The following ADAMTSL3 variants were observed in gnomAD, a reference collection of about 807,000 sequenced individuals.
ADAMTSL3 encodes ADAMTS-like protein 3.
ADAMTSL3 carries 128 observed loss-of-function variants against 201.7 expected under a neutral mutation model. The ratio of observed to expected loss-of-function variants is 0.63; its 90% CI spans 0.55 to 0.73. ADAMTSL3 has a LOEUF of 0.73. Ranked by LOEUF, ADAMTSL3 falls within the 30% of genes least tolerant of loss-of-function variation. ADAMTSL3 has a pLI of 0.00. For synonymous variants in ADAMTSL3, 738 were observed against 748.4 expected (o/e 0.99, Z 0.23); for missense variants, 1,990 against 2,119.6 (o/e 0.94, Z 1.20).
intron 2 of ADAMTSL3, among the ~76,000 whole-genome samples, chr15:83,664,946 G>A (rs2061228746): frequency 6.6e-6 from 1 of 152,200 alleles, no homozygotes; most frequent in African/African-American, 2.4e-5. Context: ...TGAAGAGCAT[G>A]TAAAGGATTT....
intron 3 of ADAMTSL3, among the ~76,000 whole-genome samples, chr15:83,762,208 G>A (rs1271723209): frequency 2.6e-5 from 4 of 152,168 alleles, no homozygotes; most frequent in South Asian, 2.1e-4. Flanking sequence ...GAGCCACTGC[G>A]CTTAGCCAGA....
At chr15:83,897,195 T>A (rs1376558090) in intron 13 of ADAMTSL3, among the ~76,000 whole-genome samples, 1 of 152,140 alleles carries the variant, frequency 6.6e-6, no homozygotes, top group Non-Finnish European at 1.5e-5. Flanking sequence ...CAAGAGTAAC[T>A]TTCAAATCAT....
chr15:84,024,003 C>T (rs2141918559), intron 26 of ADAMTSL3, among the ~76,000 whole-genome samples: 1 of 152,364 alleles, frequency 6.6e-6, no homozygotes, highest in East Asian at 1.9e-4. Flanking sequence ...CGCCTGTAAT[C>T]TCAGCACTTT....
intron 3 of ADAMTSL3, among the ~76,000 whole-genome samples, chr15:83,747,178 C>G (rs2062560448): frequency 6.6e-6 from 1 of 152,150 alleles, no homozygotes; most frequent in Non-Finnish European, 1.5e-5. Flanking sequence ...TTGGGCTGCC[C>G]TCTTGCTGCA....
chr15:83,715,584 A>G (rs535929114), intron 3 of ADAMTSL3, among the ~76,000 whole-genome samples: 3 of 152,270 alleles, frequency 2.0e-5, no homozygotes, highest in South Asian at 2.1e-4. Context: ...GGCAGGGACT[A>G]TGTCTTCTCA....
At chr15:83,753,279 C>A (rs2062667668) in intron 3 of ADAMTSL3, among the ~76,000 whole-genome samples, 1 of 152,154 alleles carries the variant, frequency 6.6e-6, no homozygotes, top group Non-Finnish European at 1.5e-5. Flanking sequence ...CTCAGCTTTT[C>A]AATTTTTTTG....
chr15:83,765,600 A>C (rs2062876253), intron 3 of ADAMTSL3, among the ~76,000 whole-genome samples: 1 of 152,224 alleles, frequency 6.6e-6, no homozygotes, highest in African/African-American at 2.4e-5. Context: ...GATCCAAGAA[A>C]GGCAAGCAGT....
intron 3 of ADAMTSL3, among the ~76,000 whole-genome samples, chr15:83,747,610 G>A (rs944476400): frequency 6.6e-6 from 1 of 152,096 alleles, no homozygotes; most frequent in African/African-American, 2.4e-5. Flanking sequence ...CCTGGAGGAC[G>A]AGAGGATTTA....
chr15:83,658,049 G>A (rs1432883386), intron 2 of ADAMTSL3, among the ~76,000 whole-genome samples: 1 of 152,216 alleles, frequency 6.6e-6, no homozygotes, highest in Non-Finnish European at 1.5e-5. Context: ...TGCTAGATGT[G>A]TGAGGCTGAG....
chr15:83,742,849 A>G (rs2062478538), intron 3 of ADAMTSL3, among the ~76,000 whole-genome samples: 1 of 152,132 alleles, frequency 6.6e-6, no homozygotes, highest in African/African-American at 2.4e-5. Flanking sequence ...TTCAGCTTGG[A>G]AAAGTTTCTC....
chr15:83,948,205 T>A (rs2066692396), intron 19 of ADAMTSL3, among the ~76,000 whole-genome samples: 1 of 152,118 alleles, frequency 6.6e-6, no homozygotes, highest in Admixed American at 6.6e-5. Flanking sequence ...GTGAAGGAAG[T>A]AGTGTGTTGA....
intron 6 of ADAMTSL3, among the ~76,000 whole-genome samples, chr15:83,834,258 A>C (rs545216573): frequency 6.6e-6 from 1 of 152,358 alleles, no homozygotes; most frequent in African/African-American, 2.4e-5. Flanking sequence ...GAAGTGACAC[A>C]GATCAATCAC....
chr15:83,724,819 C>T (rs2062149955), intron 3 of ADAMTSL3, among the ~76,000 whole-genome samples: 1 of 151,938 alleles, frequency 6.6e-6, no homozygotes, highest in Non-Finnish European at 1.5e-5. Flanking sequence ...CTTTCTGTAC[C>T]TGGTTTATTT....
chr15:83,782,570 C>A (rs1028116516), intron 4 of ADAMTSL3, among the ~76,000 whole-genome samples: 1 of 152,074 alleles, frequency 6.6e-6, no homozygotes, highest in Non-Finnish European at 1.5e-5. Flanking sequence ...ATGTCTTGTG[C>A]AGGAACATGG....
chr15:83,899,718 A>G lies in ADAMTSL3; in HGVS notation c.1687A>G (p.Thr563Ala), dbSNP rs923656803. Residue 563 changes from threonine (T) to alanine (A), a missense_variant, in exon 15 of 30, where the codon ACA becomes GCA. Transcript: ENST00000286744. ...AGAACTAGAAGAGACCAGAATAGCAACAGAAGAACCAACGTGAGTCCAGGA... is the reference window on the plus strand; with the variant it reads ...AGAACTAGAAGAGACCAGAATAGCAGCAGAAGAACCAACGTGAGTCCAGGA... Reference protein sequence around the residue: ...AQELEETRIATEEPTFIPEPW... With the variant: ...AQELEETRIAAEEPTFIPEPW... 1.9e-6 allele frequency: 3 copies of G among 1,611,550 alleles called. No individual in the cohort carries two copies. Among genetic ancestry groups the G allele is most frequent in the Non-Finnish European group, 2.5e-6 (3 of 1,178,388 alleles).
intron 28 of ADAMTSL3, among the ~76,000 whole-genome samples, chr15:84,033,298 C>A (rs532313089): frequency 1.3e-5 from 2 of 152,222 alleles, no homozygotes; most frequent in South Asian, 2.1e-4. Context: ...CCCTGCTAGA[C>A]TAAAATTACT....
At chr15:83,823,972 T>TCTTCTTCTCCTCCTC in intron 6 of ADAMTSL3, among the ~76,000 whole-genome samples, 1 of 71,212 alleles carries the variant, frequency 1.4e-5, no homozygotes, top group South Asian at 4.4e-4. Flanking sequence ...TTCTTCTTCT[T>TCTTCTTCTCCTCCTC]CTCCTCCTCC....
At chr15:83,957,215 G>A (rs538909442) in intron 19 of ADAMTSL3, among the ~76,000 whole-genome samples, 52 of 152,260 alleles carry the variant, frequency 3.4e-4, no homozygotes, top group Non-Finnish European at 6.9e-4. Context: ...CACAGATTTG[G>A]GAGAGTTTAT....
At position 83,988,712 on chromosome 15, in the gene ADAMTSL3, G is replaced by C. The variant is rs141705388; in HGVS notation, c.3738G>C (p.Gly1246=). 52 of 1,606,418 alleles carry C rather than the reference G, an allele frequency of 3.2e-5. No individual in the cohort carries two copies. The African/African-American group carries it at 6.2e-4, about 19-fold the overall frequency. Residue 1246 remains glycine, a synonymous_variant, in exon 22 of 30, where the codon GGG becomes GGC. Coordinates refer to ENST00000286744, the MANE Select transcript of ADAMTSL3 (RefSeq NM_207517.3). ...ACAGAATAATTTTGGATGGAACTGG[G>C]AAGATACAGATACAGAATCCTACAA... The part of the protein sequence containing the change: ...PSVKIILDGT[G]KIQIQNPTRK...
Sources: gnomAD v4.1 joint callset for allele counts (sites outside exome capture counted in the v4.1 genomes callset) on GRCh38, gnomAD v4.1.1 for gene constraint, MANE v1.5 for transcripts, NCBI Gene and HGNC (gene_info 2026-07-23, HGNC 2026-07-21) for gene names.